MAP3K13: variants seen among roughly 807,000 people sequenced by gnomAD.
MAP3K13 encodes the protein mitogen-activated protein kinase kinase kinase 13.
Under a neutral mutation model 104.0 loss-of-function variants are expected in MAP3K13, and 52 were observed. That is an observed-to-expected ratio of 0.50 (90% CI 0.40 to 0.63). The LOEUF (loss-of-function observed/expected upper bound fraction) is 0.63, where lower values mean the gene tolerates loss of function less well. MAP3K13 is among the 20% of genes least tolerant of loss of function. The pLI, the probability that MAP3K13 is intolerant of heterozygous loss-of-function variation, is 0.00. For synonymous variants in MAP3K13, 394 were observed against 442.2 expected (o/e 0.89, Z 1.37); for missense variants, 914 against 1,218.5 (o/e 0.75, Z 3.72).
rs1251711988 is a variant in MAP3K13, at chr3:185,399,630, G to GC, written c.-85-28867_-85-28866insC. ...AGAAAGAAAGAGAGAGAAAGGCGGG[G>GC]GGGGGGGGGGAGGGAGGGAGGAAAA... is the stretch of plus-strand genomic sequence containing the variant. On this transcript the variant is annotated intron_variant, in intron 1 of 13. Transcript: ENST00000265026. Among the ~76,000 whole-genome samples the GC allele has an allele frequency of 8.8e-3, 79 of 8,974 alleles. 33 individuals are homozygous for GC. Among genetic ancestry groups the GC allele is most frequent in the African/African-American group, 0.02 (54 of 2,730 alleles). 5.9% of individuals were successfully genotyped at this position (8,974 alleles called of 152,430 possible). A position where few individuals can be genotyped will look rare whatever the true frequency, so the allele number is the denominator to read the frequency against.
chr3:185,386,808 C>T (rs747244383), intron 1 of MAP3K13, among the ~76,000 whole-genome samples: 80 of 152,122 alleles, frequency 5.3e-4, no homozygotes, highest in Non-Finnish European at 1.0e-3. Flanking sequence ...GAATAGAAAA[C>T]CAAATACCAC....
At chr3:185,398,384 T>G (rs984608446) in intron 1 of MAP3K13, among the ~76,000 whole-genome samples, 6 of 152,322 alleles carry the variant, frequency 3.9e-5, no homozygotes, top group Admixed American at 6.5e-5. Flanking sequence ...TGAAGGCAGA[T>G]GAGCAGCCTC....
chr3:185,448,274 A>G (rs1000427047), intron 5 of MAP3K13, among the ~76,000 whole-genome samples: 25 of 152,266 alleles, frequency 1.6e-4, no homozygotes, highest in South Asian at 8.3e-4. Context: ...CATAGTTCTC[A>G]CCTTCTTGAG....
chr3:185,341,277 AGAG>A (rs1455873681), intron 2 of MAP3K13, among the ~76,000 whole-genome samples: 9 of 152,226 alleles, frequency 5.9e-5, no homozygotes, highest in Non-Finnish European at 1.3e-4. Flanking sequence ...AGAAATATAT[AGAG>A]AAGAGGACCA....
At chr3:185,316,653 T>G (rs772806425) in intron 2 of MAP3K13, among the ~76,000 whole-genome samples, 7 of 152,092 alleles carry the variant, frequency 4.6e-5, no homozygotes, top group Non-Finnish European at 1.0e-4. Context: ...AAAAACAGTT[T>G]TTTTGTTTTG....
chr3:185,420,662 A>T (rs1435470424), intron 1 of MAP3K13, among the ~76,000 whole-genome samples: 2 of 152,206 alleles, frequency 1.3e-5, no homozygotes. Flanking sequence ...TTAATTTTTT[A>T]TTCAATTTTA....
At chr3:185,301,113 A>AT (rs1427226853) in intron 2 of MAP3K13, among the ~76,000 whole-genome samples, 1 of 151,652 alleles carries the variant, frequency 6.6e-6, no homozygotes, top group Non-Finnish European at 1.5e-5. Flanking sequence ...AACACTTATT[A>AT]TTTTTATTTA....
rs773355303 is a variant in MAP3K13 at position 185,329,206 on chromosome 3, A to G, written c.-86+43563A>G. The G allele has an allele frequency of 1.3e-5, 9 of 702,950 alleles. 1 individual carries two copies. The highest frequency in any genetic ancestry group is 1.0e-4 in the South Asian group (7 of 67,576). The allele number at this position is 702,950 out of a possible 1,614,324, so 43.5% of individuals were successfully genotyped here. A position where few individuals can be genotyped will look rare whatever the true frequency, so the allele number is the denominator to read the frequency against. On this transcript the variant is annotated intron_variant, in intron 2 of 14. Transcript: ENST00000424227. ...GTCCCGTGTGCACGAAATGATTTCT[A>G]ATGTCTTATGTTGAGTGCAAGTGTT...
chr3:185,445,036 CATAT>C (rs5855066), intron 4 of MAP3K13, among the ~76,000 whole-genome samples: 1 of 151,642 alleles, frequency 6.6e-6, no homozygotes, highest in Non-Finnish European at 1.5e-5. Flanking sequence ...TACACACACA[CATAT>C]ATATATTTGC....
intron 12 of MAP3K13, among the ~76,000 whole-genome samples, chr3:185,477,719 T>C (rs574077669): frequency 6.6e-6 from 1 of 152,344 alleles, no homozygotes; most frequent in South Asian, 2.1e-4. Flanking sequence ...GTTTCTAGTG[T>C]GCCTCCCTGT....
intron 7 of MAP3K13, among the ~76,000 whole-genome samples, chr3:185,455,395 A>G (rs1303445549): frequency 2.4e-5 from 1 of 41,450 alleles, no homozygotes; most frequent in Non-Finnish European, 5.2e-5. Context: ...TATATATCAT[A>G]TATGAGATAT....
intron 1 of MAP3K13, among the ~76,000 whole-genome samples, chr3:185,409,056 G>A (rs1304869820): frequency 1.3e-5 from 2 of 152,194 alleles, no homozygotes; most frequent in African/African-American, 2.4e-5. Flanking sequence ...TTCAAGGAGC[G>A]TGTGTCCTGC....
At chr3:185,341,476 T>C (rs190497830) in intron 2 of MAP3K13, among the ~76,000 whole-genome samples, 2 of 152,304 alleles carry the variant, frequency 1.3e-5, no homozygotes, top group Non-Finnish European at 2.9e-5. Flanking sequence ...AAAGAAAAAA[T>C]TTCTGTTGTT....
chr3:185,322,385 T>C (rs1721900410), intron 2 of MAP3K13, among the ~76,000 whole-genome samples: 1 of 152,226 alleles, frequency 6.6e-6, no homozygotes, highest in Non-Finnish European at 1.5e-5. Context: ...TGTGTATCTT[T>C]GTTTCTTAGA....
intron 1 of MAP3K13, among the ~76,000 whole-genome samples, chr3:185,370,847 C>G (rs187501314): frequency 1.9e-3 from 281 of 150,638 alleles, no homozygotes; most frequent in African/African-American, 6.5e-3. Flanking sequence ...TTTGGTTGTA[C>G]GTTGTAGCCT....
chr3:185,291,596 TTTG>T, intron 2 of MAP3K13: 3 of 1,502,404 alleles, frequency 2.0e-6, no homozygotes, highest in Non-Finnish European at 2.6e-6. Context: ...TTTTTTGTGT[TTTG>T]TTTTGTTTTC....
At chr3:185,318,175 A>G (rs1721741376) in intron 2 of MAP3K13, among the ~76,000 whole-genome samples, 1 of 152,184 alleles carries the variant, frequency 6.6e-6, no homozygotes. Context: ...GGGTTGGCAA[A>G]ATATCCAATG....
At chr3:185,358,384 T>C (rs1362409478), upstream of MAP3K13, among the ~76,000 whole-genome samples, 2 of 152,174 alleles carry the variant, frequency 1.3e-5, no homozygotes, top group African/African-American at 2.4e-5. Flanking sequence ...GGAGATATCA[T>C]TCAAGATAAT....
At chr3:185,466,795 C>T in intron 9 of MAP3K13, 31 bp from the exon 10 acceptor site, 2 of 1,613,492 alleles carry the variant, frequency 1.2e-6, no homozygotes, top group African/African-American at 1.3e-5. Flanking sequence ...TCTGCAATGA[C>T]TGAGGTGTGG....
Sources: allele counts gnomAD v4.1 joint callset (sites outside exome capture counted in the v4.1 genomes callset), GRCh38; gene constraint gnomAD v4.1.1; transcripts MANE v1.5; gene names NCBI Gene and HGNC (gene_info 2026-07-23, HGNC 2026-07-21).